CNTN4: variants seen among roughly 807,000 people sequenced by gnomAD.
CNTN4 encodes the protein contactin 4.
In CNTN4, 77 loss-of-function variants were observed where a neutral mutation model predicts 122.5. That is an observed-to-expected ratio of 0.63 (90% confidence interval 0.52 to 0.76). CNTN4 has a LOEUF of 0.76. Ranked by LOEUF, CNTN4 falls within the 30% of genes least tolerant of loss-of-function variation. The probability of loss-of-function intolerance (pLI) is 0.00; values close to 1 mark genes in which losing one functional copy is unlikely to be tolerated. For synonymous variants in CNTN4, 512 were observed against 447.0 expected (o/e 1.15, Z -1.83); for missense variants, 1,256 against 1,259.1 (o/e 1.00, Z 0.04).
intron 2 of CNTN4, among the ~76,000 whole-genome samples, chr3:2,281,631 T>C (rs191362782): frequency 6.6e-6 from 1 of 152,112 alleles, no homozygotes; most frequent in Admixed American, 6.6e-5. Context: ...CTTTTCCCAA[T>C]TCTTGACAAC....
intron 6 of CNTN4, among the ~76,000 whole-genome samples, chr3:2,756,896 A>C (rs1388407211): frequency 1.3e-5 from 2 of 152,112 alleles, no homozygotes; most frequent in African/African-American, 2.4e-5. Flanking sequence ...CGAGAGAATA[A>C]ATTTTTTTTT....
chr3:2,291,801 T>C (rs2042145534), intron 2 of CNTN4, among the ~76,000 whole-genome samples: 2 of 152,138 alleles, frequency 1.3e-5, no homozygotes, highest in African/African-American at 4.8e-5. Context: ...TGGCAGGATC[T>C]TGGCTCACTG....
intron 3 of CNTN4, among the ~76,000 whole-genome samples, chr3:2,384,240 G>A (rs1014335833): frequency 1.4e-4 from 21 of 152,018 alleles, no homozygotes; most frequent in African/African-American, 4.8e-4. Flanking sequence ...AAGCCTAAAC[G>A]TAGGCCCTGG....
chr3:3,042,990 G>C lies in CNTN4; in HGVS notation c.2525G>C (p.Arg842Thr), dbSNP rs760166481. 7 of 1,613,536 alleles carry C rather than the reference G, an allele frequency of 4.3e-6. No individual in the cohort carries two copies. In the African/African-American group the frequency reaches 5.3e-5, roughly 12 times the overall value. ...TTATCTTCTTAGGTTAAATATTGGA[G>C]ACATGAAGACAAAGAAGAAAATGCT... ...RIQGYEVKYW[R>T]HEDKEENARK... is the part of the protein sequence containing the mutation. Residue 842 changes from arginine to threonine, a missense_variant, in exon 22 of 25, where the codon AGA (arginine) becomes ACA (threonine). Physicochemically the swap from Arg to Thr is moderately conservative, Grantham distance 71. Transcript: ENST00000418658.
At position 2,186,757 on chromosome 3, in the gene CNTN4, T is replaced by C. The variant is rs369714899; in HGVS notation, c.-145+86118T>C. Among the ~76,000 whole-genome samples the C allele has an allele frequency of 7.9e-5, 12 of 152,346 alleles. No individual in the cohort carries two copies. The East Asian group carries it at 2.1e-3, about 27-fold the overall frequency. ...CTGAGAAGTGTCTGTTCATATCCTT[T>C]GCCCACTTTTTGATGGGGTTGTTTT... is the stretch of plus-strand genomic sequence containing the variant. On this transcript the variant is annotated intron_variant, in intron 2 of 24. Transcript: ENST00000418658.
At chr3:2,613,009 A>C (rs898929069) in intron 4 of CNTN4, among the ~76,000 whole-genome samples, 1 of 152,154 alleles carries the variant, frequency 6.6e-6, no homozygotes, top group Non-Finnish European at 1.5e-5. Context: ...GTTTAAGAAC[A>C]CAATGTTGTA....
At chr3:2,352,065 G>A (rs1172171947) in intron 3 of CNTN4, among the ~76,000 whole-genome samples, 1 of 152,160 alleles carries the variant, frequency 6.6e-6, no homozygotes, top group Non-Finnish European at 1.5e-5. Context: ...ACTCATAAGT[G>A]TATACAATTA....
chr3:2,866,764 C>T lies in CNTN4; in HGVS notation c.467C>T (p.Ala156Val). 6.2e-7 allele frequency: 1 copy of T among 1,613,736 alleles called. No individual in the cohort carries two copies. The highest frequency in any genetic ancestry group is 8.5e-7 in the Non-Finnish European group (1 of 1,179,766). Residue 156 changes from alanine to valine, a missense_variant, in exon 8 of 25, where the codon GCC becomes GTC. Transcript: ENST00000418658. ...TTTTTCCTTTCAGAGCTGAGTTATG[C>T]CTGGATCTTCAATGAATACCCTTCC... Reference protein sequence around the residue: ...PPPHSGELSYAWIFNEYPSYQ... With the variant: ...PPPHSGELSYVWIFNEYPSYQ...
At chr3:2,163,301 T>C (rs1214159937) in intron 2 of CNTN4, among the ~76,000 whole-genome samples, 2 of 152,152 alleles carry the variant, frequency 1.3e-5, no homozygotes, top group East Asian at 3.8e-4. Context: ...GCAAGCCACA[T>C]GTAGAAGAAT....
intron 7 of CNTN4, among the ~76,000 whole-genome samples, chr3:2,824,352 G>A (rs1336648482): frequency 6.6e-6 from 1 of 152,016 alleles, no homozygotes; most frequent in Non-Finnish European, 1.5e-5. Flanking sequence ...AGCAACTTGG[G>A]AGGCTGAGAC....
chr3:2,852,486 C>A (rs540909992), intron 7 of CNTN4, among the ~76,000 whole-genome samples: 4 of 152,176 alleles, frequency 2.6e-5, no homozygotes, highest in African/African-American at 9.6e-5. Context: ...ACCATCTTTG[C>A]CTTATCAACA....
intron 12 of CNTN4, among the ~76,000 whole-genome samples, chr3:2,917,907 A>T (rs867967633): frequency 6.6e-6 from 1 of 150,816 alleles, no homozygotes. Context: ...CATGTGAGGC[A>T]TTTTTTTTTT....
chr3:2,981,663 T>A (rs1694030195), intron 13 of CNTN4, among the ~76,000 whole-genome samples: 1 of 152,208 alleles, frequency 6.6e-6, no homozygotes, highest in East Asian at 1.9e-4. Flanking sequence ...TATATTGAGT[T>A]GCATTTCAAA....
intron 3 of CNTN4, among the ~76,000 whole-genome samples, chr3:2,401,962 A>G (rs1206964447): frequency 2.6e-5 from 4 of 152,278 alleles, no homozygotes; most frequent in African/African-American, 9.6e-5. Flanking sequence ...TTTAAAATGT[A>G]TTAGAGCTGC....
chr3:2,672,413 C>T (rs2084580567), intron 4 of CNTN4, among the ~76,000 whole-genome samples: 1 of 152,236 alleles, frequency 6.6e-6, no homozygotes, highest in Non-Finnish European at 1.5e-5. Context: ...CCCTCCGAGC[C>T]ATGCGCGGGA....
chr3:2,252,462 T>A (rs2040415682), intron 2 of CNTN4, among the ~76,000 whole-genome samples: 1 of 152,066 alleles, frequency 6.6e-6, no homozygotes, highest in Admixed American at 6.6e-5. Flanking sequence ...GTCTTCTCTG[T>A]CACTGTGTTC....
chr3:2,503,227 T>C (rs542829418), intron 3 of CNTN4, among the ~76,000 whole-genome samples: 1 of 152,180 alleles, frequency 6.6e-6, no homozygotes, highest in African/African-American at 2.4e-5. Context: ...TGTTTAATCT[T>C]CAAATAGTTA....
chr3:2,377,479 C>T (rs529265776), intron 3 of CNTN4, among the ~76,000 whole-genome samples: 4 of 152,332 alleles, frequency 2.6e-5, no homozygotes, highest in African/African-American at 9.6e-5. Context: ...GAAAGCTTTC[C>T]TCTCTAGAGA....
intron 6 of CNTN4, among the ~76,000 whole-genome samples, chr3:2,761,967 C>G: frequency 6.6e-6 from 1 of 152,024 alleles, no homozygotes; most frequent in East Asian, 1.9e-4. Flanking sequence ...TTTATTTTTC[C>G]TTCTTCCCAT....
Sources: gnomAD v4.1 joint callset for allele counts (sites outside exome capture counted in the v4.1 genomes callset) on GRCh38, gnomAD v4.1.1 for gene constraint, MANE v1.5 for transcripts, NCBI Gene and HGNC (gene_info 2026-07-23, HGNC 2026-07-21) for gene names.